Variants in CCDC33 observed in about 807,000 individuals in gnomAD.
The protein encoded by CCDC33 is coiled-coil domain containing 33, also known as coiled-coil domain-containing protein 33.
Under a neutral mutation model 91.9 loss-of-function variants are expected in CCDC33, and 94 were observed. That is an observed-to-expected ratio of 1.02 (90% confidence interval 0.87 to 1.21). The LOEUF is 1.21. CCDC33 is among the 50% of genes most tolerant of loss of function. CCDC33 has a pLI of 0.00. For synonymous variants in CCDC33, 396 were observed against 374.5 expected (o/e 1.06, Z -0.66); for missense variants, 940 against 935.5 (o/e 1.00, Z -0.06).
rs1222880458 is a variant in CCDC33 at position 74,254,046 on chromosome 15, T to G, written c.186-8394T>G. Reference sequence around the variant, plus strand: ...AATTTTATTTATTTTATTTTTTTATTTTTTGAGATGGAGTCTCACTCTGTT... The same window carrying G: ...AATTTTATTTATTTTATTTTTTTATGTTTTGAGATGGAGTCTCACTCTGTT... On this transcript the variant is annotated intron_variant, in intron 2 of 18. Transcript: ENST00000398814. 2.0e-5 allele frequency among the ~76,000 whole-genome samples: 3 copies of G among 152,128 alleles called. No individual in the cohort carries two copies. The East Asian group carries it at 5.8e-4, about 29-fold the overall frequency.
chr15:74,233,142 A>G (rs1336652268), upstream of CCDC33, among the ~76,000 whole-genome samples: 1 of 152,156 alleles, frequency 6.6e-6, no homozygotes, highest in Non-Finnish European at 1.5e-5. Flanking sequence ...TCCTGCTCTG[A>G]ACGTGTGTGC....
intron 2 of CCDC33, among the ~76,000 whole-genome samples, chr15:74,259,605 A>G (rs2075966630): frequency 6.6e-6 from 1 of 152,008 alleles, no homozygotes; most frequent in African/African-American, 2.4e-5. Flanking sequence ...TAGATGGGGC[A>G]GGGAGGTGGG....
chr15:74,261,291 G>A lies in CCDC33; in HGVS notation c.186-1149G>A, dbSNP rs572424369. ...TGGGAGCAAGGAGCCAGGTCACAGC[G>A]TCACTTAAGTCTAAAGGGCAGAGGG... is the stretch of plus-strand genomic sequence containing the variant. On this transcript the variant is annotated intron_variant, in intron 2 of 18. Transcript: ENST00000398814. 1.2e-4 allele frequency among the ~76,000 whole-genome samples: 18 copies of A among 152,318 alleles called. No individual in the cohort carries two copies. The East Asian group carries it at 2.9e-3, about 24-fold the overall frequency.
Position 74,221,206 on chromosome 15 carries a change from T to A in CCDC33, c.675+2345T>A, listed in dbSNP as rs369825022. The A allele has an allele frequency of 4.1e-6, 4 of 976,824 alleles. No individual in the cohort carries two copies. The African/African-American group carries it at 7.2e-5, about 18-fold the overall frequency. 60.5% of individuals were successfully genotyped at this position (976,824 alleles called of 1,614,324 possible). A position where few individuals can be genotyped will look rare whatever the true frequency, so the allele number is the denominator to read the frequency against. ...AAGTTGTTCTCCAGTTTGTGTAGTG[T>A]GTGGCACTGGTTTTTTTTTTTTTTT... On this transcript the variant is annotated intron_variant, in intron 2 of 2. Coordinates refer to the CCDC33 transcript ENST00000635913.
At chr15:74,318,786 G>A in intron 11 of CCDC33, 1 of 649,036 alleles carries the variant, frequency 1.5e-6, no homozygotes, top group South Asian at 1.8e-5. Context: ...GAGGCAGGGT[G>A]GAGAGGACCA....
At position 74,316,689 on chromosome 15, in the gene CCDC33, C is replaced by G. The variant is rs1369810046; in HGVS notation, c.1291-13500C>G. Among the ~76,000 whole-genome samples, 6 of 152,104 alleles carry G rather than the reference C, an allele frequency of 3.9e-5. No individual in the cohort carries two copies. ...CCAGGGAGGATGGCCGACTCCACCA[C>G]GGGCCTCCCTTTCATTTCCCTGGAG... On this transcript the variant is annotated intron_variant, in intron 11 of 18. Transcript: ENST00000398814. The surrounding 1 kb of genome is among the most constrained non-coding windows in gnomAD (Gnocchi z 4.7).
At chr15:74,313,813 G>A (rs2060038866) in intron 11 of CCDC33, among the ~76,000 whole-genome samples, 1 of 152,028 alleles carries the variant, frequency 6.6e-6, no homozygotes, top group African/African-American at 2.4e-5. Flanking sequence ...ATTCTGGGAG[G>A]GTCACAAGCA....
intron 1 of CCDC33, chr15:74,207,950 C>G (rs2074299922): frequency 2.1e-6 from 3 of 1,445,980 alleles, no homozygotes; most frequent in Non-Finnish European, 2.7e-6. Context: ...CCTCCTGTCT[C>G]TCTACCTCCT....
Position 74,279,957 on chromosome 15 carries a change from C to G in CCDC33, c.760-6C>G. 6.2e-7 allele frequency: 1 copy of G among 1,613,774 alleles called. No individual in the cohort carries two copies. Among genetic ancestry groups the G allele is most frequent in the South Asian group, 1.1e-5 (1 of 91,036 alleles). On this transcript the variant is annotated splice_region_variant and splice_polypyrimidine_tract_variant and intron_variant, in intron 7 of 18. Transcript: ENST00000398814. ...CCCACCACCTGCTCCTACCCTCTCC[C>G]TCCAGCTGTCCAAGCCTGGGGGACC...
At chr15:74,324,685 A>C (rs566152266) in intron 11 of CCDC33, among the ~76,000 whole-genome samples, 1 of 149,606 alleles carries the variant, frequency 6.7e-6, no homozygotes, top group South Asian at 2.1e-4. Flanking sequence ...CTGTCCTGCC[A>C]CCTGTCCCCC....
chr15:74,264,558 G>A (rs1026711713), intron 3 of CCDC33, among the ~76,000 whole-genome samples: 1 of 152,170 alleles, frequency 6.6e-6, no homozygotes, highest in Non-Finnish European at 1.5e-5. Flanking sequence ...ATCCCAACTG[G>A]ATCTGGGGAC....
chr15:74,266,529 G>A (rs2076169952), intron 3 of CCDC33, 149 bp from the exon 4 acceptor site: 1 of 655,636 alleles, frequency 1.5e-6, no homozygotes, highest in Non-Finnish European at 2.8e-6. Flanking sequence ...GCACAGGGGT[G>A]ATCCACACAT....
chr15:74,239,147 G>A (rs1021652789), intron 1 of CCDC33, among the ~76,000 whole-genome samples: 3 of 151,720 alleles, frequency 2.0e-5, no homozygotes, highest in African/African-American at 4.8e-5. Flanking sequence ...GCCCAGCCCC[G>A]CTCCAGCTAG....
At chr15:74,270,116 CAGTG>C (rs1316454642) in intron 5 of CCDC33, among the ~76,000 whole-genome samples, 1 of 152,208 alleles carries the variant, frequency 6.6e-6, no homozygotes, top group Non-Finnish European at 1.5e-5. Flanking sequence ...CCAGAGCCCT[CAGTG>C]AGAGCTGCGA....
chr15:74,214,682 C>T (rs1948188716), upstream of CCDC33, among the ~76,000 whole-genome samples: 1 of 152,190 alleles, frequency 6.6e-6, no homozygotes, highest in Admixed American at 6.5e-5. Flanking sequence ...TTTCTGCCTC[C>T]TGTCCTATTT....
intron 2 of CCDC33, among the ~76,000 whole-genome samples, chr15:74,230,369 C>T (rs1208633067): frequency 6.6e-6 from 1 of 152,308 alleles, no homozygotes; most frequent in Admixed American, 6.5e-5. Context: ...TTCTGCCCCT[C>T]CTGATGGAAG....
intron 2 of CCDC33, among the ~76,000 whole-genome samples, chr15:74,260,966 C>T (rs917535193): frequency 6.6e-6 from 1 of 152,210 alleles, no homozygotes. Flanking sequence ...CCACAACCGC[C>T]CTGCAGGCTG....
intron 1 of CCDC33, among the ~76,000 whole-genome samples, chr15:74,207,120 T>C (rs1459472924): frequency 6.6e-6 from 1 of 152,210 alleles, no homozygotes; most frequent in Non-Finnish European, 1.5e-5. Flanking sequence ...TGATTAAACC[T>C]GAGGAATTTT....
At position 74,244,962 on chromosome 15, in the gene CCDC33, C is replaced by G. The variant is rs1424255356; in HGVS notation, c.185+814C>G. Among the ~76,000 whole-genome samples the G allele has an allele frequency of 1.3e-5, 2 of 152,200 alleles. No homozygotes were observed. The highest frequency in any genetic ancestry group is 1.3e-4 in the Admixed American group (2 of 15,284). On this transcript the variant is annotated intron_variant, in intron 2 of 18. Coordinates refer to ENST00000398814, the MANE Select transcript of CCDC33 (RefSeq NM_025055.5). The surrounding 1 kb of genome is among the most constrained non-coding windows in gnomAD (Gnocchi z 4.2). ...CAATACTGGCACCATTCAGTTCCTG[C>G]CAAGAGTCTGTTGCCCACATTTCCT...
Sources: allele counts gnomAD v4.1 joint callset (sites outside exome capture counted in the v4.1 genomes callset), GRCh38; gene constraint gnomAD v4.1.1; non-coding constraint Gnocchi (gnomAD v3.1); transcripts MANE v1.5; gene names NCBI Gene and HGNC (gene_info 2026-07-23, HGNC 2026-07-21).